Variants in EPHA3 observed in about 807,000 individuals in gnomAD.
EPHA3 encodes ephrin type-A receptor 3.
A neutral mutation model predicts 107.1 loss-of-function variants in EPHA3; 42 were observed. The observed-to-expected ratio is 0.39, with a 90% confidence interval of 0.31 to 0.51. The LOEUF (loss-of-function observed/expected upper bound fraction) is 0.51, where lower values mean the gene tolerates loss of function less well. Ranked by LOEUF, EPHA3 falls within the 20% of genes least tolerant of loss-of-function variation. EPHA3 has a pLI of 0.78. For synonymous variants in EPHA3, 461 were observed against 424.8 expected, an observed-to-expected ratio of 1.09 and a Z score of -1.05; for missense variants, 1,183 against 1,211.2, an observed-to-expected ratio of 0.98 and a Z score of 0.35.
intron 9 of EPHA3, among the ~76,000 whole-genome samples, chr3:89,411,452 T>C (rs1709152793): frequency 6.6e-6 from 1 of 151,838 alleles, no homozygotes; most frequent in African/African-American, 2.4e-5. Context: ...CTGCATTCCC[T>C]ATTTGCCCTC....
chr3:89,188,433 T>C (rs1363885548), intron 2 of EPHA3, among the ~76,000 whole-genome samples: 5 of 152,200 alleles, frequency 3.3e-5, no homozygotes, highest in African/African-American at 1.2e-4. Context: ...ATTTTCATAG[T>C]TCTCTTGCTT....
intron 2 of EPHA3, among the ~76,000 whole-genome samples, chr3:89,145,280 G>GACACAC (rs10670597): frequency 6.7e-6 from 1 of 149,928 alleles, no homozygotes; most frequent in South Asian, 2.1e-4. Flanking sequence ...TTCACAAACA[G>GACACAC]ACACACACAC....
At chr3:89,300,810 C>A (rs550533745) in intron 3 of EPHA3, among the ~76,000 whole-genome samples, 38 of 151,948 alleles carry the variant, frequency 2.5e-4, no homozygotes, top group Non-Finnish European at 4.7e-4. Context: ...AAAAAGGGAA[C>A]CTCTCAAATA....
intron 2 of EPHA3, among the ~76,000 whole-genome samples, chr3:89,181,482 A>G (rs1448331672): frequency 1.3e-5 from 2 of 152,094 alleles, no homozygotes; most frequent in East Asian, 3.9e-4. Context: ...TAGGTAGTCA[A>G]TGACAACCTC....
At position 89,419,389 on chromosome 3, in the gene EPHA3, A is replaced by G. The variant is rs756139756; in HGVS notation, c.2073A>G (p.Lys691=). Residue 691 remains lysine (K), a splice_region_variant and synonymous_variant, in exon 11 of 17, where the codon AAA becomes AAG. Coordinates refer to ENST00000336596, the MANE Select transcript of EPHA3 (RefSeq NM_005233.6). ...NIIRLEGVVT[K]SKPVMIVTEY... is the part of the protein sequence containing the mutation. ...TTCGACTGGAAGGAGTTGTTACCAA[A>G]AGTAAGTAAAGTAGTCATAAGACCT... 1 of 1,584,054 alleles carries G rather than the reference A, an allele frequency of 6.3e-7. No homozygotes were observed. Among genetic ancestry groups the G allele is most frequent in the Non-Finnish European group, 8.6e-7 (1 of 1,166,138 alleles).
chr3:89,475,038 G>A lies in EPHA3; in HGVS notation c.2846+2419G>A, dbSNP rs184469223. Reference sequence around the variant, plus strand: ...TTCTCCTCAATTCAGGGACAATATAGGATTAACACCTTTGCCCTAACACTC... The same window carrying A: ...TTCTCCTCAATTCAGGGACAATATAAGATTAACACCTTTGCCCTAACACTC... On this transcript the variant is annotated intron_variant, in intron 16 of 16. Coordinates refer to ENST00000336596, the MANE Select transcript of EPHA3 (RefSeq NM_005233.6). Among the ~76,000 whole-genome samples the A allele has an allele frequency of 2.0e-4, 31 of 152,188 alleles. No individual in the cohort carries two copies. The East Asian group carries it at 4.8e-3, about 24-fold the overall frequency.
At chr3:89,353,614 T>C (rs1445955179) in intron 5 of EPHA3, among the ~76,000 whole-genome samples, 5 of 151,372 alleles carry the variant, frequency 3.3e-5, no homozygotes. Context: ...GGAATGTCAC[T>C]GTGCAGTGAT....
At chr3:89,445,746 T>C (rs916053445) in intron 13 of EPHA3, among the ~76,000 whole-genome samples, 4 of 152,154 alleles carry the variant, frequency 2.6e-5, no homozygotes, top group African/African-American at 9.7e-5. Flanking sequence ...ATGACACAAG[T>C]GAAAAGACCA....
At chr3:89,359,687 G>GTA (rs1215982563) in intron 5 of EPHA3, among the ~76,000 whole-genome samples, 4 of 146,562 alleles carry the variant, frequency 2.7e-5, no homozygotes, top group South Asian at 2.1e-4. Context: ...GTGTGTGTGT[G>GTA]TATATACGTT....
chr3:89,196,287 A>G (rs1288158922), intron 2 of EPHA3, among the ~76,000 whole-genome samples: 1 of 152,102 alleles, frequency 6.6e-6, no homozygotes, highest in Non-Finnish European at 1.5e-5. Context: ...CTCAACATAC[A>G]CAACTGTGTC....
intron 5 of EPHA3, among the ~76,000 whole-genome samples, chr3:89,379,184 A>G (rs1047951197): frequency 1.3e-5 from 2 of 152,026 alleles, no homozygotes; most frequent in Non-Finnish European, 2.9e-5. Context: ...TTGCCACTCA[A>G]TGTTTGCATT....
intron 5 of EPHA3, among the ~76,000 whole-genome samples, chr3:89,393,906 A>C (rs189086646): frequency 2.4e-4 from 37 of 152,290 alleles, no homozygotes; most frequent in African/African-American, 7.7e-4. Flanking sequence ...GCTTGGAATC[A>C]ATTTTAGAGA....
intron 2 of EPHA3, among the ~76,000 whole-genome samples, chr3:89,174,746 G>A (rs1426203497): frequency 6.6e-6 from 1 of 151,794 alleles, no homozygotes; most frequent in Non-Finnish European, 1.5e-5. Flanking sequence ...ATATATTAGA[G>A]TATGATATTT....
intron 3 of EPHA3, among the ~76,000 whole-genome samples, chr3:89,234,442 G>GT (rs1704705476): frequency 6.6e-6 from 1 of 152,130 alleles, no homozygotes; most frequent in Non-Finnish European, 1.5e-5. Flanking sequence ...CTATGTGAAT[G>GT]TTTTTTATTT....
chr3:89,253,304 G>A (rs978528814), intron 3 of EPHA3, among the ~76,000 whole-genome samples: 7 of 151,918 alleles, frequency 4.6e-5, no homozygotes, highest in Admixed American at 3.3e-4. Context: ...TTATATTTGG[G>A]AAACTCTTGA....
intron 5 of EPHA3, among the ~76,000 whole-genome samples, chr3:89,358,413 C>A (rs111565107): frequency 0.017 from 2,571 of 151,200 alleles, 96 homozygotes; most frequent in African/African-American, 0.055. Flanking sequence ...CACTCAATTA[C>A]TTGCCTTTTT....
chr3:89,167,465 C>G (rs202214356), intron 2 of EPHA3, among the ~76,000 whole-genome samples: 2 of 151,890 alleles, frequency 1.3e-5, no homozygotes, highest in Non-Finnish European at 2.9e-5. Context: ...AGCTATTTCT[C>G]TCCCCTATGT....
chr3:89,356,195 G>C (rs912902948), intron 5 of EPHA3, among the ~76,000 whole-genome samples: 25 of 150,856 alleles, frequency 1.7e-4, no homozygotes, highest in African/African-American at 5.6e-4. Context: ...AGTATTCCAT[G>C]GTGTATATGT....
At chr3:89,266,270 A>G (rs1705536705) in intron 3 of EPHA3, among the ~76,000 whole-genome samples, 1 of 152,162 alleles carries the variant, frequency 6.6e-6, no homozygotes, top group Non-Finnish European at 1.5e-5. Flanking sequence ...TCACACAGTT[A>G]CTAAGTGAAA....
Sources: allele counts gnomAD v4.1 joint callset (sites outside exome capture counted in the v4.1 genomes callset), GRCh38; gene constraint gnomAD v4.1.1; transcripts MANE v1.5; gene names NCBI Gene and HGNC (gene_info 2026-07-23, HGNC 2026-07-21).